The following FOXP2 variants were observed in gnomAD, a reference collection of about 807,000 sequenced individuals.
FOXP2 encodes forkhead box protein P2.
A neutral mutation model predicts 115.8 loss-of-function variants in FOXP2; 12 were observed. That is an observed-to-expected ratio of 0.10 (90% confidence interval 0.07 to 0.17). The LOEUF (loss-of-function observed/expected upper bound fraction) is 0.17, where lower values mean the gene tolerates loss of function less well. Ranked by LOEUF, FOXP2 falls within the 10% of genes least tolerant of loss-of-function variation. The pLI, the probability that FOXP2 is intolerant of heterozygous loss-of-function variation, is 1.00. For synonymous variants in FOXP2, 328 were observed against 297.7 expected, an observed-to-expected ratio of 1.10 and a Z score of -1.05; for missense variants, 629 against 843.5, an observed-to-expected ratio of 0.75 and a Z score of 3.15.
At chr7:114,247,489 C>T (rs1012135900) in intron 1 of FOXP2, among the ~76,000 whole-genome samples, 1 of 152,068 alleles carries the variant, frequency 6.6e-6, no homozygotes, top group African/African-American at 2.4e-5. Flanking sequence ...TTTTATATCC[C>T]TCCCTTCTCT....
At chr7:114,480,355 A>G (rs943384098) in intron 2 of FOXP2, among the ~76,000 whole-genome samples, 1 of 151,792 alleles carries the variant, frequency 6.6e-6, no homozygotes, top group Non-Finnish European at 1.5e-5. Context: ...AAACAAAATC[A>G]CTACTGGAAA....
chr7:114,401,359 T>A (rs2129196631), intron 2 of FOXP2, among the ~76,000 whole-genome samples: 1 of 152,322 alleles, frequency 6.6e-6, no homozygotes, highest in Admixed American at 6.5e-5. Flanking sequence ...ACTTTTGCTT[T>A]TTTAAAGAAA....
At chr7:114,208,922 A>T (rs1794271965) in intron 1 of FOXP2, among the ~76,000 whole-genome samples, 2 of 152,076 alleles carry the variant, frequency 1.3e-5, no homozygotes, top group Non-Finnish European at 2.9e-5. Flanking sequence ...GTATGTCTTC[A>T]TCAGTAGTGT....
intron 2 of FOXP2, among the ~76,000 whole-genome samples, chr7:114,352,057 C>T (rs1225555353): frequency 6.6e-6 from 1 of 151,658 alleles, no homozygotes; most frequent in Non-Finnish European, 1.5e-5. Context: ...TGCTTGAGTC[C>T]AGGAGTTCAA....
rs191044800 is a variant in FOXP2 at position 114,281,605 on chromosome 7, T to C, written c.-101-6414T>C. On this transcript the variant is annotated intron_variant, in intron 1 of 17. Transcript: ENST00000634411. ...ACTATTACTCTTACTAGCCTGCTTA[T>C]TGATTAATTTTTGATTTTTACATTA... Among the ~76,000 whole-genome samples the C allele has an allele frequency of 1.3e-3, 203 of 152,294 alleles. 1 individual carries two copies. Among genetic ancestry groups the C allele is most frequent in the African/African-American group, 4.7e-3 (195 of 41,574 alleles).
At chr7:114,381,358 G>A (rs1294426151) in intron 2 of FOXP2, among the ~76,000 whole-genome samples, 2 of 152,178 alleles carry the variant, frequency 1.3e-5, no homozygotes, top group African/African-American at 4.8e-5. Context: ...GATGGCACAA[G>A]ATTTCTGAAT....
At chr7:114,239,268 T>C (rs1795093939) in intron 1 of FOXP2, among the ~76,000 whole-genome samples, 1 of 152,120 alleles carries the variant, frequency 6.6e-6, no homozygotes, top group African/African-American at 2.4e-5. Context: ...AAATGTAACA[T>C]GTAGTTATTC....
chr7:114,402,125 AAAC>A lies in FOXP2; in HGVS notation c.-10-24368_-10-24366del, dbSNP rs779538211. On this transcript the variant is annotated intron_variant, in intron 2 of 17. Coordinates refer to the FOXP2 transcript ENST00000634411. ...CAACAGAGCAAGACTCTGTCTCCAAAAACAACAACAAAAAGTTAAAAATAAAAA... is the reference window on the plus strand; with the variant it reads ...CAACAGAGCAAGACTCTGTCTCCAAAAACAACAAAAAGTTAAAAATAAAAA... Among the ~76,000 whole-genome samples, 12 of 152,322 alleles carry A rather than the reference AAAC, an allele frequency of 7.9e-5. No homozygotes were observed. In the East Asian group the frequency reaches 1.4e-3, roughly 17 times the overall value.
At chr7:114,448,718 GA>G (rs1794941387) in intron 2 of FOXP2, among the ~76,000 whole-genome samples, 1 of 152,104 alleles carries the variant, frequency 6.6e-6, no homozygotes, top group Non-Finnish European at 1.5e-5. Context: ...CATAGTTTGT[GA>G]GGGTAAACTC....
chr7:114,270,282 A>G (rs1202481965), intron 1 of FOXP2, among the ~76,000 whole-genome samples: 2 of 152,204 alleles, frequency 1.3e-5, no homozygotes, highest in African/African-American at 2.4e-5. Context: ...TACTATAAGC[A>G]TCTGTCTTCA....
intron 2 of FOXP2, among the ~76,000 whole-genome samples, chr7:114,398,518 G>T (rs1422948161): frequency 6.6e-6 from 1 of 152,128 alleles, no homozygotes; most frequent in Non-Finnish European, 1.5e-5. Context: ...CAGGAAATTT[G>T]CAAATTGTAA....
chr7:114,104,867 T>G (rs779856244), intron 1 of FOXP2, among the ~76,000 whole-genome samples: 4 of 152,008 alleles, frequency 2.6e-5, no homozygotes, highest in Non-Finnish European at 5.9e-5. Flanking sequence ...TAAAATGTTA[T>G]CATGATGCTG....
intron 1 of FOXP2, among the ~76,000 whole-genome samples, chr7:114,172,818 A>T (rs1295924981): frequency 1.3e-5 from 2 of 152,146 alleles, no homozygotes; most frequent in Non-Finnish European, 2.9e-5. Context: ...AGAAAAAGTG[A>T]GATAATTTCA....
chr7:114,297,944 C>T (rs1796783520), intron 2 of FOXP2, among the ~76,000 whole-genome samples: 1 of 152,120 alleles, frequency 6.6e-6, no homozygotes, highest in Non-Finnish European at 1.5e-5. Flanking sequence ...TACTTATCTT[C>T]ATTATTATAT....
chr7:114,243,529 C>A (rs189128498), intron 1 of FOXP2, among the ~76,000 whole-genome samples: 1 of 152,208 alleles, frequency 6.6e-6, no homozygotes, highest in Admixed American at 6.5e-5. Flanking sequence ...TTTGGCACTA[C>A]ATTTTTGAAC....
chr7:114,216,257 C>A (rs1027714874), intron 1 of FOXP2, among the ~76,000 whole-genome samples: 1 of 152,130 alleles, frequency 6.6e-6, no homozygotes, highest in Non-Finnish European at 1.5e-5. Flanking sequence ...AGCTTCCACA[C>A]AAGACACTCT....
intron 3 of FOXP2, among the ~76,000 whole-genome samples, chr7:114,547,442 G>A (rs1799982052): frequency 6.6e-6 from 1 of 152,094 alleles, no homozygotes; most frequent in South Asian, 2.1e-4. Context: ...TGAGATACCT[G>A]CTTGAGAAAA....
At chr7:114,234,795 T>A (rs1253146266) in intron 1 of FOXP2, among the ~76,000 whole-genome samples, 1 of 152,174 alleles carries the variant, frequency 6.6e-6, no homozygotes, top group Non-Finnish European at 1.5e-5. Context: ...CATATTGATC[T>A]TTTTTCAGCT....
At chr7:114,514,438 AACC>A (rs1458779597) in intron 2 of FOXP2, among the ~76,000 whole-genome samples, 3 of 148,744 alleles carry the variant, frequency 2.0e-5, no homozygotes, top group Non-Finnish European at 4.4e-5. Flanking sequence ...AGCCTCTGGT[AACC>A]ACCATATTAC....
Sources: gnomAD v4.1 joint callset for allele counts (sites outside exome capture counted in the v4.1 genomes callset) on GRCh38, gnomAD v4.1.1 for gene constraint, MANE v1.5 for transcripts, NCBI Gene and HGNC (gene_info 2026-07-23, HGNC 2026-07-21) for gene names.